The following CKAP5 variants were observed in gnomAD, a reference collection of about 807,000 sequenced individuals.
CKAP5 encodes cytoskeleton associated protein 5.
CKAP5 carries 27 observed loss-of-function variants against 232.8 expected under a neutral mutation model. The observed-to-expected ratio is 0.12, with a 90% confidence interval of 0.09 to 0.16. The LOEUF is 0.16. Ranked by LOEUF, CKAP5 falls within the 10% of genes least tolerant of loss-of-function variation. The pLI is 1.00. For missense variants in CKAP5, 1,838 were observed against 2,424.7 expected (o/e 0.76, Z 5.08); for synonymous variants, 785 against 841.1 (o/e 0.93, Z 1.16).
At chr11:46,800,536 G>A (rs148290130) in intron 9 of CKAP5, among the ~76,000 whole-genome samples, 182 of 152,184 alleles carry the variant, frequency 1.2e-3, no homozygotes, top group African/African-American at 3.7e-3. Context: ...AATGCAGACC[G>A]GATTTAGAGG....
intron 1 of CKAP5, among the ~76,000 whole-genome samples, chr11:46,826,412 G>A (rs1939653170): frequency 6.6e-6 from 1 of 152,168 alleles, no homozygotes; most frequent in South Asian, 2.1e-4. Context: ...TCAAATACCA[G>A]GGTAAGGATC....
At chr11:46,836,066 A>G (rs1393037886) in intron 1 of CKAP5, among the ~76,000 whole-genome samples, 1 of 152,270 alleles carries the variant, frequency 6.6e-6, no homozygotes, top group East Asian at 1.9e-4. Context: ...CAAAATGGTC[A>G]TGGTCATGAA....
Position 46,752,223 on chromosome 11 carries a change from C to T in CKAP5, c.5133+412G>A, listed in dbSNP as rs867052339. 8.0e-4 allele frequency among the ~76,000 whole-genome samples: 106 copies of T among 133,314 alleles called. 1 individual carries two copies. Among genetic ancestry groups the T allele is most frequent in the Non-Finnish European group, 1.4e-3 (82 of 60,606 alleles). 87.5% of individuals were successfully genotyped at this position (133,314 alleles called of 152,430 possible). A position where few individuals can be genotyped will look rare whatever the true frequency, so the allele number is the denominator to read the frequency against. On this transcript the variant is annotated intron_variant, in intron 38 of 43. Transcript: ENST00000529230. ...ACACACACACACACACACACACACA[C>T]ACACACACACGTGTATTATATACAT... is the stretch of plus-strand genomic sequence containing the variant.
chr11:46,758,875 C>G, intron 35 of CKAP5, 48 bp downstream of exon 35: 1 of 1,605,270 alleles, frequency 6.2e-7, no homozygotes, highest in East Asian at 2.2e-5. Context: ...ACATTTATAG[C>G]CTCTATGTCC....
intron 16 of CKAP5, among the ~76,000 whole-genome samples, chr11:46,787,219 C>A (rs908003931): frequency 2.0e-5 from 3 of 152,056 alleles, no homozygotes; most frequent in Admixed American, 1.3e-4. Context: ...GAATATTTAG[C>A]CTTTGTGGAG....
chr11:46,750,496 A>AC, intron 41 of CKAP5, 32 bp downstream of exon 41: 1 of 1,611,662 alleles, frequency 6.2e-7, no homozygotes, highest in Non-Finnish European at 8.5e-7. Context: ...CATAAAGCAG[A>AC]CCCCTATTCT....
intron 13 of CKAP5, among the ~76,000 whole-genome samples, chr11:46,793,889 T>C (rs1232121539): frequency 2.0e-5 from 3 of 151,862 alleles, no homozygotes; most frequent in East Asian, 3.9e-4. Context: ...ATTGTGCCAC[T>C]GCACTCCAGC....
chr11:46,790,642 T>C (rs1938697813), intron 13 of CKAP5, 59 bp from the exon 14 acceptor site: 9 of 1,165,548 alleles, frequency 7.7e-6, no homozygotes, highest in Non-Finnish European at 1.1e-5. Context: ...TAGTGGAGTT[T>C]TTTATTTTTA....
intron 9 of CKAP5, among the ~76,000 whole-genome samples, chr11:46,799,663 C>T (rs1938981172): frequency 6.6e-6 from 1 of 152,192 alleles, no homozygotes. Context: ...AGAACTCAAA[C>T]TGGAAAGCCA....
intron 4 of CKAP5, among the ~76,000 whole-genome samples, chr11:46,815,652 A>G (rs1343398312): frequency 6.6e-6 from 1 of 152,352 alleles, no homozygotes; most frequent in East Asian, 1.9e-4. Context: ...CATCTTCATT[A>G]GAAAGGGATT....
rs73456186 is a variant in CKAP5 at position 46,840,985 on chromosome 11, T to C, written c.-38+5235A>G. Among the ~76,000 whole-genome samples, 243 of 152,264 alleles carry C rather than the reference T, an allele frequency of 1.6e-3. 1 individual carries two copies. The highest frequency in any genetic ancestry group is 5.6e-3 in the African/African-American group (234 of 41,544). ...TACCTCCAGATAGAAAGTGTCAGAA[T>C]TGGCCAGGTGAGGTGGCTCATGCCT... On this transcript the variant is annotated intron_variant, in intron 1 of 43. Transcript: ENST00000529230.
At chr11:46,780,626 T>C in intron 18 of CKAP5, 141 bp from the exon 19 acceptor site, 1 of 668,496 alleles carries the variant, frequency 1.5e-6, no homozygotes, top group South Asian at 1.9e-5. Flanking sequence ...TTTATTTTAT[T>C]TTATTTATTT....
intron 1 of CKAP5, among the ~76,000 whole-genome samples, chr11:46,825,218 T>C (rs1284551911): frequency 6.6e-6 from 1 of 152,218 alleles, no homozygotes; most frequent in Non-Finnish European, 1.5e-5. Flanking sequence ...TTCAGTTTAG[T>C]GTTCAAATAA....
At chr11:46,837,075 A>C (rs1321802335) in intron 1 of CKAP5, among the ~76,000 whole-genome samples, 2 of 152,232 alleles carry the variant, frequency 1.3e-5, no homozygotes, top group Non-Finnish European at 2.9e-5. Flanking sequence ...TAAGGGCAAA[A>C]GGAACTGCAC....
chr11:46,758,122 C>T (rs138071234), intron 35 of CKAP5, among the ~76,000 whole-genome samples: 15 of 152,264 alleles, frequency 9.9e-5, no homozygotes, highest in African/African-American at 3.6e-4. Context: ...ACAACTCACC[C>T]TGGTGCTTTT....
intron 27 of CKAP5, among the ~76,000 whole-genome samples, chr11:46,766,780 C>T (rs2065205697): frequency 6.6e-6 from 1 of 152,046 alleles, no homozygotes; most frequent in Non-Finnish European, 1.5e-5. Flanking sequence ...AAAAATCACC[C>T]AGAGGATAAA....
At position 46,806,247 on chromosome 11, in the gene CKAP5, A is replaced by G. The variant is rs562002867; in HGVS notation, c.978+1784T>C. On this transcript the variant is annotated intron_variant, in intron 8 of 43. Transcript: ENST00000529230. ...AGCAAGAGATTATATTTACATTCAC[A>G]ATGCCAATGGAAACCACAGAACTGT... Among the ~76,000 whole-genome samples the G allele has an allele frequency of 4.3e-4, 66 of 152,332 alleles. 1 individual carries two copies. Among genetic ancestry groups the G allele is most frequent in the South Asian group, 2.3e-3 (11 of 4,824 alleles).
rs1198415005 is a variant in CKAP5, at chr11:46,755,072, T to C, written c.4690-5A>G. The C allele has an allele frequency of 1.9e-6, 3 of 1,587,302 alleles. No homozygotes were observed. In the South Asian group the frequency reaches 3.5e-5, roughly 18 times the overall value. Reference sequence around the variant, plus strand: ...CTGTCTCAGGACCTCATCGATCTGATAACAAAAATTTCAAGATATATTTTC... The same window carrying C: ...CTGTCTCAGGACCTCATCGATCTGACAACAAAAATTTCAAGATATATTTTC... On this transcript the variant is annotated splice_region_variant and splice_polypyrimidine_tract_variant and intron_variant, in intron 35 of 43. Transcript: ENST00000529230.
At chr11:46,837,092 A>G (rs1403436328) in intron 1 of CKAP5, among the ~76,000 whole-genome samples, 2 of 152,240 alleles carry the variant, frequency 1.3e-5, no homozygotes, top group African/African-American at 2.4e-5. Flanking sequence ...GCACAGAAGT[A>G]TGTACTCTAG....
Sources: allele counts gnomAD v4.1 joint callset (sites outside exome capture counted in the v4.1 genomes callset), GRCh38; gene constraint gnomAD v4.1.1; transcripts MANE v1.5; gene names NCBI Gene and HGNC (gene_info 2026-07-23, HGNC 2026-07-21).